The following MBD5 variants were observed in gnomAD, a reference collection of about 807,000 sequenced individuals.
The protein encoded by MBD5 is methyl-CpG-binding domain protein 5.
Under a neutral mutation model 117.3 loss-of-function variants are expected in MBD5, and 13 were observed. That is an observed-to-expected ratio of 0.11 (90% CI 0.07 to 0.18). The LOEUF is 0.18. MBD5 is among the 10% of genes least tolerant of loss of function. The pLI is 1.00. For missense variants in MBD5, 1,879 were observed against 2,093.8 expected, an observed-to-expected ratio of 0.90 and a Z score of 2.00; for synonymous variants, 727 against 766.4, an observed-to-expected ratio of 0.95 and a Z score of 0.85.
chr2:148,500,098 T>C (rs879022048), intron 11 of MBD5, among the ~76,000 whole-genome samples: 2 of 152,230 alleles, frequency 1.3e-5, no homozygotes, highest in Admixed American at 1.3e-4. Context: ...TAGAGGCAGA[T>C]TTAAATGAAG....
rs73007149 is a variant in MBD5 at position 148,082,400 on chromosome 2, C to T, written c.-925+60716C>T. ...AACAGGTTCTCTGAACTCTTCAGGT[C>T]TATGCCATTTGCCCAGTACTACCAG... On this transcript the variant is annotated intron_variant, in intron 1 of 13. Coordinates refer to ENST00000642680, the MANE Select transcript of MBD5 (RefSeq NM_001378120.1). Among the ~76,000 whole-genome samples, 392 of 152,304 alleles carry T rather than the reference C, an allele frequency of 2.6e-3. 1 individual carries two copies. Among genetic ancestry groups the T allele is most frequent in the African/African-American group, 8.8e-3 (367 of 41,570 alleles).
intron 1 of MBD5, among the ~76,000 whole-genome samples, chr2:148,134,416 A>T (rs916807405): frequency 6.6e-6 from 1 of 152,196 alleles, no homozygotes; most frequent in South Asian, 2.1e-4. Flanking sequence ...GAAATTTTCA[A>T]TATTAAAGTG....
chr2:148,034,037 A>G (rs1330044107), intron 1 of MBD5, among the ~76,000 whole-genome samples: 1 of 152,164 alleles, frequency 6.6e-6, no homozygotes. Flanking sequence ...TCTGCAAAAA[A>G]TGCAAAAATT....
At chr2:148,269,774 T>A (rs7578733) in intron 3 of MBD5, among the ~76,000 whole-genome samples, 7 of 150,328 alleles carry the variant, frequency 4.7e-5, no homozygotes, top group East Asian at 2.0e-4. Flanking sequence ...TTATATCTAC[T>A]GTTATTTTTT....
intron 4 of MBD5, among the ~76,000 whole-genome samples, chr2:148,397,658 A>AT (rs1022900726): frequency 1.3e-5 from 2 of 151,710 alleles, no homozygotes; most frequent in African/African-American, 4.8e-5. Context: ...ATTTTATTTT[A>AT]TTTTTTATTA....
chr2:148,169,817 C>G (rs916103704), intron 1 of MBD5, among the ~76,000 whole-genome samples: 1 of 152,076 alleles, frequency 6.6e-6, no homozygotes, highest in South Asian at 2.1e-4. Context: ...AAACACAAAG[C>G]TTAATTCGGT....
At chr2:148,385,126 A>G (rs1704306125) in intron 4 of MBD5, among the ~76,000 whole-genome samples, 1 of 152,088 alleles carries the variant, frequency 6.6e-6, no homozygotes, top group South Asian at 2.1e-4. Context: ...ATCTAATCAA[A>G]CTAAAGAGCT....
intron 2 of MBD5, among the ~76,000 whole-genome samples, chr2:148,221,411 C>T (rs1699682681): frequency 6.6e-6 from 1 of 152,078 alleles, no homozygotes; most frequent in African/African-American, 2.4e-5. Context: ...TTTTCCACAT[C>T]CTTGCCAGCA....
intron 4 of MBD5, among the ~76,000 whole-genome samples, chr2:148,424,896 G>A (rs1705727200): frequency 6.6e-6 from 1 of 152,170 alleles, no homozygotes; most frequent in South Asian, 2.1e-4. Context: ...TGTTTAGAGG[G>A]AAATTTAGAG....
At chr2:148,325,444 G>T (rs1371827283) in intron 3 of MBD5, among the ~76,000 whole-genome samples, 6 of 152,132 alleles carry the variant, frequency 3.9e-5, no homozygotes, top group Non-Finnish European at 5.9e-5. Context: ...GGTAGAATTC[G>T]GCTGTGAATC....
chr2:148,335,289 G>C (rs1322999759), intron 3 of MBD5, among the ~76,000 whole-genome samples: 5 of 152,180 alleles, frequency 3.3e-5, no homozygotes, highest in Non-Finnish European at 7.3e-5. Context: ...GCTTAGGTGA[G>C]AGGGTGGCTT....
intron 4 of MBD5, among the ~76,000 whole-genome samples, chr2:148,424,126 T>C (rs1483446110): frequency 4.8e-5 from 6 of 125,558 alleles, no homozygotes; most frequent in Admixed American, 2.0e-4. Flanking sequence ...TGCGGTGAGC[T>C]GAGATTGCGC....
intron 2 of MBD5, among the ~76,000 whole-genome samples, chr2:148,179,874 A>G (rs1698480090): frequency 6.6e-6 from 1 of 152,216 alleles, no homozygotes; most frequent in Non-Finnish European, 1.5e-5. Flanking sequence ...ATGCTGTAAA[A>G]TCAATTCTCA....
At chr2:148,188,682 C>CAAAAA (rs34805724) in intron 2 of MBD5, among the ~76,000 whole-genome samples, 1 of 104,764 alleles carries the variant, frequency 9.5e-6, no homozygotes, top group African/African-American at 3.6e-5. Context: ...GACCCTGTCT[C>CAAAAA]AAAAAAAAAA....
At chr2:148,155,239 T>C (rs542655001) in intron 1 of MBD5, among the ~76,000 whole-genome samples, 1 of 152,184 alleles carries the variant, frequency 6.6e-6, no homozygotes, top group East Asian at 1.9e-4. Context: ...TAAGCAAAGA[T>C]CTGAGGAGGT....
At chr2:148,478,436 A>G (rs1372688645) in intron 8 of MBD5, among the ~76,000 whole-genome samples, 1 of 152,044 alleles carries the variant, frequency 6.6e-6, no homozygotes, top group African/African-American at 2.4e-5. Flanking sequence ...TACAAAAGTT[A>G]GCCGGGCGTG....
chr2:148,509,085 T>C (rs1443579137), intron 12 of MBD5, among the ~76,000 whole-genome samples: 1 of 152,222 alleles, frequency 6.6e-6, no homozygotes, highest in Non-Finnish European at 1.5e-5. Context: ...TGGTAGATGC[T>C]AAGATAGGAC....
intron 1 of MBD5, among the ~76,000 whole-genome samples, chr2:148,154,165 C>T (rs554452272): frequency 6.0e-4 from 88 of 146,248 alleles, no homozygotes; most frequent in African/African-American, 2.2e-3. Context: ...ACAGACAGGA[C>T]CCTCAGCTGC....
At chr2:148,474,431 G>A (rs1680894084) in intron 8 of MBD5, among the ~76,000 whole-genome samples, 1 of 152,074 alleles carries the variant, frequency 6.6e-6, no homozygotes, top group Non-Finnish European at 1.5e-5. Context: ...ATGCTTATTA[G>A]CAACCCTACC....
Sources: gnomAD v4.1 joint callset for allele counts (sites outside exome capture counted in the v4.1 genomes callset) on GRCh38, gnomAD v4.1.1 for gene constraint, MANE v1.5 for transcripts, NCBI Gene and HGNC (gene_info 2026-07-23, HGNC 2026-07-21) for gene names.